The following TTLL5 variants were observed in gnomAD, a reference collection of about 807,000 sequenced individuals.
TTLL5 encodes tubulin tyrosine ligase like 5.
Under a neutral mutation model 168.4 loss-of-function variants are expected in TTLL5, and 132 were observed. The observed-to-expected ratio is 0.78, with a 90% CI of 0.68 to 0.91. The LOEUF is 0.91. Among genes scored for constraint, TTLL5 ranks in the 40% least tolerant of loss-of-function variants. The pLI is 0.00. For missense variants in TTLL5, 1,545 were observed against 1,581.5 expected, an observed-to-expected ratio of 0.98 and a Z score of 0.39; for synonymous variants, 546 against 558.6, an observed-to-expected ratio of 0.98 and a Z score of 0.32.
intron 5 of TTLL5, chr14:75,684,712 G>C (rs1455741525): frequency 1.3e-5 from 2 of 152,182 alleles, no homozygotes; most frequent in Non-Finnish European, 2.9e-5. Context: ...TAATTTTGCT[G>C]TACAGAAGGT....
In TTLL5 at chr14:75,720,600, G is replaced by A. The variant is rs1404299454; in HGVS notation, c.939G>A (p.Leu313=). ...TTTAAAAATTTTTGTTTGCAGCATTGATGGCCCATGTAGAAGACCTGATCA... is the reference window on the plus strand; with the variant it reads ...TTTAAAAATTTTTGTTTGCAGCATTAATGGCCCATGTAGAAGACCTGATCA... ...LKQEGRDTTA[L]MAHVEDLIIK... Residue 313 remains leucine, a synonymous_variant, in exon 12 of 32, where the codon TTG becomes TTA. Coordinates refer to ENST00000298832, the MANE Select transcript of TTLL5 (RefSeq NM_015072.5). 3 of 1,612,768 alleles carry A rather than the reference G, an allele frequency of 1.9e-6. No individual in the cohort carries two copies. The highest frequency in any genetic ancestry group is 2.5e-6 in the Non-Finnish European group (3 of 1,179,274).
chr14:75,725,057 A>G (rs1888104245), intron 12 of TTLL5, among the ~76,000 whole-genome samples: 1 of 152,198 alleles, frequency 6.6e-6, no homozygotes, highest in South Asian at 2.1e-4. Context: ...CACTTGTAGA[A>G]CTGATCAGCC....
intron 27 of TTLL5, among the ~76,000 whole-genome samples, chr14:75,807,160 A>T (rs1337195092): frequency 6.6e-6 from 1 of 152,146 alleles, no homozygotes; most frequent in East Asian, 1.9e-4. Flanking sequence ...TTTAAAAACG[A>T]TTGATGGCTG....
At chr14:75,774,763 G>A (rs748415899) in intron 21 of TTLL5, among the ~76,000 whole-genome samples, 4 of 151,696 alleles carry the variant, frequency 2.6e-5, no homozygotes, top group African/African-American at 7.3e-5. Flanking sequence ...ATCTTGGCTC[G>A]GTGCAACCTC....
chr14:75,709,370 C>G, intron 9 of TTLL5: 2 of 580,928 alleles, frequency 3.4e-6, no homozygotes, highest in Non-Finnish European at 6.2e-6. Context: ...AACCAAACCT[C>G]GCTGGTGGAG....
At chr14:75,907,216 T>C (rs2033181280) in intron 31 of TTLL5, among the ~76,000 whole-genome samples, 1 of 152,200 alleles carries the variant, frequency 6.6e-6, no homozygotes, top group Non-Finnish European at 1.5e-5. Flanking sequence ...ACATATGCTA[T>C]AATTAGCAGC....
intron 31 of TTLL5, among the ~76,000 whole-genome samples, chr14:75,937,120 A>AC (rs1333441010): frequency 4.8e-4 from 41 of 85,628 alleles, no homozygotes; most frequent in Non-Finnish European, 7.2e-4. Context: ...AAGTACATTT[A>AC]CATTTTTTTT....
chr14:75,739,979 A>G (rs954667801), intron 15 of TTLL5, among the ~76,000 whole-genome samples: 1 of 152,210 alleles, frequency 6.6e-6, no homozygotes, highest in Non-Finnish European at 1.5e-5. Context: ...TCCAGATGTT[A>G]ATGAAGATTC....
intron 31 of TTLL5, among the ~76,000 whole-genome samples, chr14:75,954,013 C>G (rs1158301259): frequency 6.6e-6 from 1 of 151,934 alleles, no homozygotes; most frequent in African/African-American, 2.4e-5. Flanking sequence ...CTTTGGGAGG[C>G]CGAGGTGGGC....
chr14:75,912,001 G>A (rs1435663043), intron 31 of TTLL5, among the ~76,000 whole-genome samples: 1 of 152,224 alleles, frequency 6.6e-6, no homozygotes, highest in Non-Finnish European at 1.5e-5. Flanking sequence ...CAGACCTCCT[G>A]AAAACCTGCA....
At chr14:75,701,586 G>A (rs748655665) in intron 7 of TTLL5, among the ~76,000 whole-genome samples, 22 of 152,144 alleles carry the variant, frequency 1.4e-4, no homozygotes, top group Non-Finnish European at 3.1e-4. Context: ...ATGCAGAGGA[G>A]GATTTTGGTG....
In TTLL5 at chr14:75,707,068, C is replaced by A. The variant is rs1014500396; in HGVS notation, c.636C>A (p.Asn212Lys). The change falls in exon 8 of 32, where the codon AAC (asparagine) becomes AAA (lysine). Residue 212 changes from asparagine to lysine, a missense_variant. Coordinates refer to ENST00000298832, the MANE Select transcript of TTLL5 (RefSeq NM_015072.5). ...EENILVSRYINNPLLIDDFKF... is the reference protein window; with the variant it reads ...EENILVSRYIKNPLLIDDFKF... ...ACATTTTGGTCTCCCGTTACATTAACAACCCCCTGCTCATAGATGGTGAGT... is the reference window on the plus strand; with the variant it reads ...ACATTTTGGTCTCCCGTTACATTAAAAACCCCCTGCTCATAGATGGTGAGT... 9 of 1,612,632 alleles carry A rather than the reference C, an allele frequency of 5.6e-6. No individual in the cohort carries two copies. Among genetic ancestry groups the A allele is most frequent in the Non-Finnish European group, 7.6e-6 (9 of 1,179,108 alleles).
chr14:75,717,917 A>T lies in TTLL5; in HGVS notation c.797A>T (p.His266Leu). Residue 266 changes from histidine (H) to leucine (L), a missense_variant, in exon 10 of 32, where the codon CAT becomes CTT. By Grantham distance (99) the His-to-Leu change is moderately conservative. Transcript: ENST00000298832. ...AAGAACATTCGGAACCAGTTCATGCATCTGACAAACTACAGTGTCAACAAG... is the reference window on the plus strand; with the variant it reads ...AAGAACATTCGGAACCAGTTCATGCTTCTGACAAACTACAGTGTCAACAAG... ...GAKNIRNQFM[H>L]LTNYSVNKKS... 1.9e-6 allele frequency: 3 copies of T among 1,613,890 alleles called. No homozygotes were observed. The highest frequency in any genetic ancestry group is 2.5e-6 in the Non-Finnish European group (3 of 1,179,918).
intron 26 of TTLL5, among the ~76,000 whole-genome samples, chr14:75,789,762 A>T (rs934679436): frequency 8.5e-5 from 13 of 152,208 alleles, no homozygotes; most frequent in Non-Finnish European, 1.3e-4. Flanking sequence ...GCATAGGAAG[A>T]CTCAATATCA....
chr14:75,868,601 G>A (rs1378981725), intron 29 of TTLL5, among the ~76,000 whole-genome samples: 2 of 152,188 alleles, frequency 1.3e-5, no homozygotes, highest in East Asian at 3.8e-4. Context: ...TCAGTTTGCT[G>A]GTAACATCTT....
intron 28 of TTLL5, chr14:75,838,081 A>T (rs943085688): frequency 4.6e-5 from 7 of 152,106 alleles, no homozygotes; most frequent in Admixed American, 3.9e-4. Context: ...GTGTTTTTTT[A>T]AATTAATTAT....
chr14:75,771,988 G>A (rs2032755467), intron 21 of TTLL5, 134 bp downstream of exon 21: 3 of 1,014,342 alleles, frequency 3.0e-6, no homozygotes, highest in Non-Finnish European at 4.1e-6. Context: ...AAGGTTTTTA[G>A]ATTTCTTATA....
At chr14:75,780,410 G>T (rs1223428799) in intron 24 of TTLL5, among the ~76,000 whole-genome samples, 1 of 152,132 alleles carries the variant, frequency 6.6e-6, no homozygotes, top group Non-Finnish European at 1.5e-5. Flanking sequence ...GGATTCCATG[G>T]TTGGGGATTT....
Position 75,797,745 on chromosome 14 carries a change from C to T in TTLL5, c.3171+4645C>T, listed in dbSNP as rs544109536. On this transcript the variant is annotated intron_variant, in intron 27 of 31. Coordinates refer to ENST00000298832, the MANE Select transcript of TTLL5 (RefSeq NM_015072.5). ...TGACTTGCGTATGTTAAACCATGCCCGCATCCCTGGTATGAAACTCACTTG... is the reference window on the plus strand; with the variant it reads ...TGACTTGCGTATGTTAAACCATGCCTGCATCCCTGGTATGAAACTCACTTG... Among the ~76,000 whole-genome samples the T allele has an allele frequency of 9.2e-5, 14 of 152,076 alleles. No homozygotes were observed. The South Asian group carries it at 1.7e-3, about 18-fold the overall frequency.
Sources: gnomAD v4.1 joint callset for allele counts (sites outside exome capture counted in the v4.1 genomes callset) on GRCh38, gnomAD v4.1.1 for gene constraint, MANE v1.5 for transcripts, NCBI Gene and HGNC (gene_info 2026-07-23, HGNC 2026-07-21) for gene names.